Variants in LYPD6B observed in about 807,000 individuals in gnomAD.
LYPD6B encodes the protein LY6/PLAUR domain containing 6B, also known as ly6/PLAUR domain-containing protein 6B.
LYPD6B carries 17 observed loss-of-function variants against 22.8 expected under a neutral mutation model. The observed-to-expected ratio is 0.75, with a 90% CI of 0.51 to 1.12. The LOEUF (loss-of-function observed/expected upper bound fraction) is 1.12, where lower values mean the gene tolerates loss of function less well. LYPD6B is among the 50% of genes most tolerant of loss of function. LYPD6B has a pLI of 0.00. For synonymous variants in LYPD6B, 106 were observed against 91.6 expected (o/e 1.16, Z -0.90); for missense variants, 221 against 258.3 (o/e 0.86, Z 0.99).
intron 1 of LYPD6B, among the ~76,000 whole-genome samples, chr2:149,076,530 G>GGATA: frequency 6.6e-6 from 1 of 152,132 alleles, no homozygotes; most frequent in Non-Finnish European, 1.5e-5. Context: ...AACTGAAAGT[G>GGATA]AGTTATTTGT....
intron 1 of LYPD6B, among the ~76,000 whole-genome samples, chr2:149,046,950 T>G (rs1213716351): frequency 6.6e-6 from 1 of 152,224 alleles, no homozygotes; most frequent in Non-Finnish European, 1.5e-5. Context: ...TTGCATATAC[T>G]TTTATTCTTA....
intron 1 of LYPD6B, among the ~76,000 whole-genome samples, chr2:149,097,458 A>T (rs965001835): frequency 6.6e-6 from 1 of 152,204 alleles, no homozygotes; most frequent in Non-Finnish European, 1.5e-5. Context: ...ATAGCAACTA[A>T]AAAATTATTT....
At chr2:149,090,594 A>G (rs183644413) in intron 1 of LYPD6B, among the ~76,000 whole-genome samples, 1 of 152,230 alleles carries the variant, frequency 6.6e-6, no homozygotes, top group African/African-American at 2.4e-5. Context: ...TGTTTATAAG[A>G]ATTACATAAA....
chr2:149,061,204 T>C (rs1173552909), intron 1 of LYPD6B, among the ~76,000 whole-genome samples: 1 of 151,894 alleles, frequency 6.6e-6, no homozygotes, highest in African/African-American at 2.4e-5. Flanking sequence ...GTGCATTTTT[T>C]TTTTTTTTTT....
At chr2:149,056,728 G>A (rs973849754) in intron 1 of LYPD6B, among the ~76,000 whole-genome samples, 4 of 152,050 alleles carry the variant, frequency 2.6e-5, no homozygotes, top group Non-Finnish European at 5.9e-5. Context: ...GGCTCCATTT[G>A]TTGTGTCTGG....
chr2:149,068,831 A>G, intron 1 of LYPD6B: 1 of 405,538 alleles, frequency 2.5e-6, no homozygotes, highest in Non-Finnish European at 5.1e-6. Flanking sequence ...TGTGCCTGAG[A>G]AGTCAACTAC....
chr2:149,077,952 C>T (rs1247477959), intron 1 of LYPD6B, among the ~76,000 whole-genome samples: 1 of 142,636 alleles, frequency 7.0e-6, no homozygotes, highest in African/African-American at 2.5e-5. Context: ...GAGTTTTCCT[C>T]CATGAAGCAA....
intron 1 of LYPD6B, among the ~76,000 whole-genome samples, chr2:149,125,248 C>T (rs545615696): frequency 3.3e-5 from 5 of 152,282 alleles, no homozygotes; most frequent in East Asian, 1.9e-4. Flanking sequence ...AGTCAAACAA[C>T]GCCTGGCCCC....
At chr2:149,101,870 G>C (rs1686227554) in intron 1 of LYPD6B, among the ~76,000 whole-genome samples, 1 of 152,198 alleles carries the variant, frequency 6.6e-6, no homozygotes, top group Non-Finnish European at 1.5e-5. Context: ...ATGATTTCAG[G>C]TGGTGCCCAC....
chr2:149,171,862 T>C (rs1227915975), intron 3 of LYPD6B, among the ~76,000 whole-genome samples: 2 of 152,194 alleles, frequency 1.3e-5, no homozygotes, highest in African/African-American at 4.8e-5. Context: ...TGAGAGCCCA[T>C]GGCATTGTGA....
chr2:149,049,494 C>G (rs1056375313), intron 1 of LYPD6B, among the ~76,000 whole-genome samples: 4 of 152,222 alleles, frequency 2.6e-5, no homozygotes, highest in African/African-American at 9.7e-5. Context: ...AACACTCGTT[C>G]AGTCCATCTT....
intron 1 of LYPD6B, among the ~76,000 whole-genome samples, chr2:149,108,803 T>A (rs971009043): frequency 6.6e-6 from 1 of 152,164 alleles, no homozygotes; most frequent in Non-Finnish European, 1.5e-5. Flanking sequence ...ATTGAGTTTT[T>A]AAAAAATAAT....
intron 2 of LYPD6B, among the ~76,000 whole-genome samples, chr2:149,133,060 G>A (rs574523491): frequency 2.6e-5 from 4 of 152,062 alleles, no homozygotes; most frequent in African/African-American, 9.7e-5. Context: ...TGTGCATCTG[G>A]GTTGCTTCCT....
At chr2:149,204,153 C>T (rs1287130434) in intron 3 of LYPD6B, among the ~76,000 whole-genome samples, 3 of 152,192 alleles carry the variant, frequency 2.0e-5, no homozygotes, top group African/African-American at 7.2e-5. Flanking sequence ...GTGATCCTTT[C>T]TGAACCCACA....
At chr2:149,067,817 A>T (rs1684410803) in intron 1 of LYPD6B, among the ~76,000 whole-genome samples, 1 of 152,154 alleles carries the variant, frequency 6.6e-6, no homozygotes, top group South Asian at 2.1e-4. Context: ...GCAACAGAAA[A>T]ATTTAATTTA....
At chr2:149,091,332 A>G (rs1442125287) in intron 1 of LYPD6B, among the ~76,000 whole-genome samples, 1 of 150,778 alleles carries the variant, frequency 6.6e-6, no homozygotes, top group African/African-American at 2.4e-5. Flanking sequence ...AAGGTTATGT[A>G]TAAAGATTGA....
intron 1 of LYPD6B, among the ~76,000 whole-genome samples, chr2:149,058,875 C>A (rs758896462): frequency 5.9e-5 from 9 of 152,222 alleles, no homozygotes; most frequent in Non-Finnish European, 1.0e-4. Flanking sequence ...TTGCCCTAGC[C>A]TCCCAAAGTG....
intron 1 of LYPD6B, among the ~76,000 whole-genome samples, chr2:149,041,783 TATTAG>T (rs996720198): frequency 1.3e-5 from 2 of 152,208 alleles, no homozygotes; most frequent in African/African-American, 4.8e-5. Context: ...GACTACCCTG[TATTAG>T]ATTCCATGGA....
intron 1 of LYPD6B, among the ~76,000 whole-genome samples, chr2:149,099,284 A>G (rs1301964611): frequency 6.6e-6 from 1 of 152,182 alleles, no homozygotes; most frequent in African/African-American, 2.4e-5. Flanking sequence ...GATTTTACTG[A>G]GCATCCTATA....
Sources: allele counts gnomAD v4.1 joint callset (sites outside exome capture counted in the v4.1 genomes callset), GRCh38; gene constraint gnomAD v4.1.1; transcripts MANE v1.5; gene names NCBI Gene and HGNC (gene_info 2026-07-23, HGNC 2026-07-21).